PDPK1: variants seen among roughly 807,000 people sequenced by gnomAD.
PDPK1 encodes the protein 3-phosphoinositide-dependent protein kinase 1.
A neutral mutation model predicts 39.8 loss-of-function variants in PDPK1; 7 were observed. The ratio of observed to expected loss-of-function variants is 0.18; its 90% CI spans 0.10 to 0.33. The LOEUF (loss-of-function observed/expected upper bound fraction) is 0.33, where lower values mean the gene tolerates loss of function less well. Ranked by LOEUF, PDPK1 falls within the 10% of genes least tolerant of loss-of-function variation. The probability of loss-of-function intolerance (pLI) is 1.00; values close to 1 mark genes in which losing one functional copy is unlikely to be tolerated. For synonymous variants in PDPK1, 118 were observed against 159.1 expected (o/e 0.74, Z 1.95); for missense variants, 182 against 384.7 (o/e 0.47, Z 4.41).
chr16:2,592,721 G>C, intron 11 of PDPK1: 4 of 450,516 alleles, frequency 8.9e-6, no homozygotes, highest in Non-Finnish European at 1.8e-5. Context: ...TCACAGCAAG[G>C]AGCTGTTTCT....
rs369818229 is a variant in PDPK1, at chr16:2,598,070, G to A, written c.*303G>A. On this transcript the variant is annotated 3_prime_UTR_variant, in exon 14 of 14. Transcript: ENST00000342085. ...GCTCCATGCACGTCAACCCAGTCCC[G>A]CCCAGACTAGTGGACAGACCTGGTG... The A allele has an allele frequency of 6.6e-6, 3 of 456,214 alleles. No homozygotes were observed. The highest frequency in any genetic ancestry group is 3.8e-5 in the East Asian group (1 of 26,098). The allele number at this position is 456,214 out of a possible 1,614,324, so 28.3% of individuals were successfully genotyped here. A position where few individuals can be genotyped will look rare whatever the true frequency, so the allele number is the denominator to read the frequency against.
Position 2,538,103 on chromosome 16 carries a change from C to G in PDPK1, c.-10C>G. The stretch of plus-strand genomic sequence containing the variant: ...GCTGCGGGGGAGGCGCCCGCGCCGA[C>G]GCGGGGCCCATGGCCAGGACCACCA... On this transcript the variant is annotated 5_prime_UTR_variant, in exon 1 of 14. Transcript: ENST00000342085. 2 of 1,060,950 alleles carry G rather than the reference C, an allele frequency of 1.9e-6. No homozygotes were observed. The highest frequency in any genetic ancestry group is 2.3e-6 in the Non-Finnish European group (2 of 877,788). The allele number at this position is 1,060,950 out of a possible 1,614,324, so 65.7% of individuals were successfully genotyped here.
rs1420982453 is a variant in PDPK1, at chr16:2,601,899, CTGTAGTTGGGGTCCATT to C, written c.*4133_*4149del. ...TTTGGTTGGATTCTTCATTTCTCCACTGTAGTTGGGGTCCATTGATTGTGCAGGGGAACGTGCAGGAG... is the reference window on the plus strand; with the variant it reads ...TTTGGTTGGATTCTTCATTTCTCCACGATTGTGCAGGGGAACGTGCAGGAG... On this transcript the variant is annotated 3_prime_UTR_variant, in exon 14 of 14. Transcript: ENST00000342085. The C allele has an allele frequency of 4.3e-6, 1 of 231,860 alleles. No homozygotes were observed. Among genetic ancestry groups the C allele is most frequent in the Non-Finnish European group, 8.6e-6 (1 of 116,468 alleles). 14.4% of individuals were successfully genotyped at this position (231,860 alleles called of 1,614,324 possible).
intron 6 of PDPK1, among the ~76,000 whole-genome samples, chr16:2,573,543 C>T (rs921560366): frequency 1.5e-5 from 1 of 66,240 alleles, no homozygotes; most frequent in Non-Finnish European, 2.6e-5. Flanking sequence ...AGTTATTGGC[C>T]GGGCACGGTG....
chr16:2,543,761 G>A (rs1464293299), intron 1 of PDPK1, among the ~76,000 whole-genome samples: 4 of 152,090 alleles, frequency 2.6e-5, no homozygotes, highest in South Asian at 2.1e-4. Context: ...TTGCTCTGTC[G>A]CCCAGGCTGG....
intron 11 of PDPK1, among the ~76,000 whole-genome samples, chr16:2,588,111 T>C (rs2066914677): frequency 6.6e-6 from 1 of 152,190 alleles, no homozygotes; most frequent in South Asian, 2.1e-4. Context: ...AGGAAGGAGC[T>C]GAGCTCTGGG....
At chr16:2,588,102 G>C (rs1432104676) in intron 11 of PDPK1, among the ~76,000 whole-genome samples, 2 of 152,182 alleles carry the variant, frequency 1.3e-5, no homozygotes, top group African/African-American at 2.4e-5. Context: ...AGGAATGAGA[G>C]GAAGGAGCTG....
intron 11 of PDPK1, chr16:2,592,801 G>A (rs746348731): frequency 8.8e-6 from 4 of 455,862 alleles, no homozygotes; most frequent in Non-Finnish European, 1.8e-5. Flanking sequence ...AGCTTTGCCC[G>A]CAGTCTCTGT....
intron 1 of PDPK1, among the ~76,000 whole-genome samples, chr16:2,547,250 A>G (rs1269002184): frequency 6.8e-6 from 1 of 146,690 alleles, no homozygotes; most frequent in Non-Finnish European, 1.5e-5. Context: ...GTCCTTCCTG[A>G]GGGCGAGCGC....
In PDPK1 at chr16:2,552,051, G is replaced by A. The variant is rs532095018; in HGVS notation, c.25-5652G>A. On this transcript the variant is annotated intron_variant, in intron 1 of 13. Transcript: ENST00000342085. ...GTCTCACTGTGTTGCCCAGGCTAGT[G>A]TTGAACTCCTGGCCTCAGGTGATTC... Among the ~76,000 whole-genome samples the A allele has an allele frequency of 1.8e-3, 276 of 151,346 alleles. 6 individuals carry two copies. Among genetic ancestry groups the A allele is most frequent in the Middle Eastern group, 6.8e-3 (2 of 294 alleles).
chr16:2,589,089 G>A (rs1169103629), intron 11 of PDPK1, among the ~76,000 whole-genome samples: 1 of 152,062 alleles, frequency 6.6e-6, no homozygotes, highest in African/African-American at 2.4e-5. Flanking sequence ...CTGAGTAGCT[G>A]GGATTACAGG....
chr16:2,591,506 C>T (rs532047457), intron 11 of PDPK1, among the ~76,000 whole-genome samples: 3 of 151,700 alleles, frequency 2.0e-5, no homozygotes, highest in Admixed American at 6.6e-5. Flanking sequence ...GTGTAGTGTC[C>T]AAGAAGAATA....
At chr16:2,587,796 C>G (rs1297922659) in intron 11 of PDPK1, among the ~76,000 whole-genome samples, 1 of 152,204 alleles carries the variant, frequency 6.6e-6, no homozygotes, top group Admixed American at 6.5e-5. Flanking sequence ...GTTTTGCAAA[C>G]ATTCTTCAGT....
intron 11 of PDPK1, among the ~76,000 whole-genome samples, chr16:2,594,975 T>C (rs183154360): frequency 1.3e-5 from 2 of 152,294 alleles, no homozygotes; most frequent in African/African-American, 4.8e-5. Context: ...CAAAAAAAAT[T>C]AGCTGGGCAT....
chr16:2,540,738 G>A (rs968767419), intron 1 of PDPK1, among the ~76,000 whole-genome samples: 2 of 152,238 alleles, frequency 1.3e-5, no homozygotes, highest in Non-Finnish European at 2.9e-5. Flanking sequence ...TGTTTGGGAA[G>A]AGGCTGTGAT....
intron 1 of PDPK1, among the ~76,000 whole-genome samples, chr16:2,539,764 A>T (rs1044542151): frequency 1.3e-5 from 2 of 152,190 alleles, no homozygotes; most frequent in African/African-American, 4.8e-5. Flanking sequence ...ACCCAGTGAC[A>T]GTCATGGCGA....
At chr16:2,588,098 G>T (rs1436457526) in intron 11 of PDPK1, among the ~76,000 whole-genome samples, 2 of 152,210 alleles carry the variant, frequency 1.3e-5, no homozygotes, top group Non-Finnish European at 1.5e-5. Flanking sequence ...GGGGAGGAAT[G>T]AGAGGAAGGA....
At chr16:2,544,744 C>T (rs769133199) in intron 1 of PDPK1, among the ~76,000 whole-genome samples, 8 of 151,680 alleles carry the variant, frequency 5.3e-5, no homozygotes, top group Non-Finnish European at 7.4e-5. Flanking sequence ...CCACCATGCC[C>T]GGCTAATTTT....
At chr16:2,546,477 GCTCC>G (rs2066349644) in intron 1 of PDPK1, among the ~76,000 whole-genome samples, 1 of 152,144 alleles carries the variant, frequency 6.6e-6, no homozygotes, top group Admixed American at 6.5e-5. Flanking sequence ...GGGATTACAG[GCTCC>G]TGCCACCATG....
Sources: gnomAD v4.1 joint callset for allele counts (sites outside exome capture counted in the v4.1 genomes callset) on GRCh38, gnomAD v4.1.1 for gene constraint, MANE v1.5 for transcripts, NCBI Gene and HGNC (gene_info 2026-07-23, HGNC 2026-07-21) for gene names.